Variants in NFKBIA observed in about 807,000 individuals in gnomAD.
NFKBIA encodes the protein NF-kappa-B inhibitor alpha.
Under a neutral mutation model 36.3 loss-of-function variants are expected in NFKBIA, and 10 were observed. The ratio of observed to expected loss-of-function variants is 0.28; its 90% CI spans 0.17 to 0.47. The LOEUF is 0.47. Ranked by LOEUF, NFKBIA falls within the 20% of genes least tolerant of loss-of-function variation. NFKBIA has a pLI of 0.99. For missense variants in NFKBIA, 355 were observed against 399.3 expected (o/e 0.89, Z 0.94); for synonymous variants, 205 against 164.4 (o/e 1.25, Z -1.89).
In NFKBIA at chr14:35,401,869, C is replaced by CAA. The variant is rs11569610; in HGVS notation, c.*142_*143dup. The CAA allele has an allele frequency of 0.025, 21,564 of 879,284 alleles. 378 individuals are homozygous for CAA. Among genetic ancestry groups the CAA allele is most frequent in the East Asian group, 0.055 (2,103 of 37,930 alleles). 54.5% of individuals were successfully genotyped at this position (879,284 alleles called of 1,614,324 possible). A position where few individuals can be genotyped will look rare whatever the true frequency, so the allele number is the denominator to read the frequency against. Reference sequence around the variant, plus strand: ...AACAAAATGAGGGCTGATCCTACCACAATAAGACGTTTTGGGCCAGGCAGT... The same window carrying CAA: ...AACAAAATGAGGGCTGATCCTACCACAAAATAAGACGTTTTGGGCCAGGCAGT... On this transcript the variant is annotated 3_prime_UTR_variant, in exon 6 of 6. Coordinates refer to ENST00000216797, the MANE Select transcript of NFKBIA (RefSeq NM_020529.3).
In NFKBIA at chr14:35,402,485, A is replaced by G; in HGVS notation, c.815T>C (p.Leu272Pro). The change falls in exon 5 of 6, where the codon CTG becomes CCG. Residue 272 changes from leucine to proline, a missense_variant. Coordinates refer to ENST00000216797, the MANE Select transcript of NFKBIA (RefSeq NM_020529.3). ...STRIQQQLGQ[L>P]TLENLQMLPE... is the part of the protein sequence containing the mutation. The stretch of plus-strand genomic sequence containing the variant: ...CAGCATCTGAAGGTTTTCTAGTGTC[A>G]GCTGGCCCAGCTGCTGCTGTATCCG... The G allele has an allele frequency of 6.2e-7, 1 of 1,614,168 alleles. No individual in the cohort carries two copies. Among genetic ancestry groups the G allele is most frequent in the Non-Finnish European group, 8.5e-7 (1 of 1,180,024 alleles).
In NFKBIA at chr14:35,401,786, G is replaced by C. The variant is rs2052728267; in HGVS notation, c.*227C>G. ...AACCCCACAAAGGTGAGGTTTAAAAGAAGTTTTCTCAGAATTTCAATGATC... is the reference window on the plus strand; with the variant it reads ...AACCCCACAAAGGTGAGGTTTAAAACAAGTTTTCTCAGAATTTCAATGATC... On this transcript the variant is annotated 3_prime_UTR_variant, in exon 6 of 6. Coordinates refer to ENST00000216797, the MANE Select transcript of NFKBIA (RefSeq NM_020529.3). The C allele has an allele frequency of 3.4e-6, 2 of 584,366 alleles. No homozygotes were observed. Among genetic ancestry groups the C allele is most frequent in the South Asian group, 4.4e-5 (2 of 45,134 alleles). The allele number at this position is 584,366 out of a possible 1,614,324, so 36.2% of individuals were successfully genotyped here.
chr14:35,404,330 T>C (rs1398063805), intron 1 of NFKBIA, 88 bp downstream of exon 1: 1 of 980,536 alleles, frequency 1.0e-6, no homozygotes, highest in Non-Finnish European at 1.3e-6. Context: ...GTCCCCCGGC[T>C]CGGGCTCCAG....
rs1594427886 is a variant in NFKBIA, at chr14:35,404,505, T to C, written c.140A>G (p.Lys47Arg). Reference protein sequence around the residue: ...MKDEEYEQMVKELQEIRLEPQ... With the variant: ...MKDEEYEQMVRELQEIRLEPQ... ...CTCGAGGCGGATCTCCTGCAGCTCC[T>C]TGACCATCTGCTCGTACTCCTCGTC... Residue 47 changes from lysine to arginine, a missense_variant, in exon 1 of 6, where the codon AAG becomes AGG. Lys to Arg is a conservative substitution (Grantham distance 26). Coordinates refer to ENST00000216797, the MANE Select transcript of NFKBIA (RefSeq NM_020529.3). 2 of 1,604,188 alleles carry C rather than the reference T, an allele frequency of 1.2e-6. No individual in the cohort carries two copies. Among genetic ancestry groups the C allele is most frequent in the South Asian group, 2.2e-5 (2 of 89,768 alleles).
chr14:35,404,412 A>G lies in NFKBIA; in HGVS notation c.227+6T>C, dbSNP rs994585180. The G allele has an allele frequency of 4.1e-6, 5 of 1,218,750 alleles. No homozygotes were observed. In the African/African-American group the frequency reaches 5.0e-5, roughly 12 times the overall value. The allele number at this position is 1,218,750 out of a possible 1,614,324, so 75.5% of individuals were successfully genotyped here. A position where few individuals can be genotyped will look rare whatever the true frequency, so the allele number is the denominator to read the frequency against. On this transcript the variant is annotated splice_donor_region_variant and intron_variant, in intron 1 of 5. Transcript: ENST00000216797. ...CGACCCCCAGCCCCGGGCCTCCGCCACTTACGAGTCCCCGTCCTCGGTGAG... is the reference window on the plus strand; with the variant it reads ...CGACCCCCAGCCCCGGGCCTCCGCCGCTTACGAGTCCCCGTCCTCGGTGAG...
Position 35,404,458 on chromosome 14 carries a change from A to G in NFKBIA, c.187T>C (p.Ser63Pro), listed in dbSNP as rs2138834035. Reference sequence around the variant, plus strand: ...GTGAGCTGCTGCTTCCAGGGCTCCGAGCCGCGCGGCACCTCCTGCGGCTCG... The same window carrying G: ...GTGAGCTGCTGCTTCCAGGGCTCCGGGCCGCGCGGCACCTCCTGCGGCTCG... ...RLEPQEVPRG[S>P]EPWKQQLTED... The change falls in exon 1 of 6, where the codon TCG (serine) becomes CCG (proline). Residue 63 changes from serine (S) to proline (P), a missense_variant. Ser to Pro is a moderately conservative substitution (Grantham distance 74). Transcript: ENST00000216797. The G allele has an allele frequency of 6.4e-7, 1 of 1,574,628 alleles. No individual in the cohort carries two copies. Among genetic ancestry groups the G allele is most frequent in the Non-Finnish European group, 8.6e-7 (1 of 1,158,456 alleles).
chr14:35,404,261 G>A (rs981642935), intron 1 of NFKBIA, 157 bp downstream of exon 1: 1 of 425,962 alleles, frequency 2.3e-6, no homozygotes, highest in Admixed American at 5.0e-5. Flanking sequence ...CAGCCCTGCA[G>A]CGTTCGGGGC....
intron 1 of NFKBIA, 79 bp from the exon 2 acceptor site, chr14:35,403,877 T>C (rs947680201): frequency 7.2e-5 from 76 of 1,050,992 alleles, no homozygotes; most frequent in Non-Finnish European, 8.7e-5. Flanking sequence ...CTGCGGGGGA[T>C]TGCGCAAGGC....
chr14:35,403,062 G>A, intron 3 of NFKBIA, 88 bp downstream of exon 3: 1 of 1,461,168 alleles, frequency 6.8e-7, no homozygotes. Context: ...TTAAGCTCTT[G>A]CCTGGACTCC....
chr14:35,404,677 G>A lies in NFKBIA; in HGVS notation c.-33C>T. On this transcript the variant is annotated 5_prime_UTR_variant, in exon 1 of 6. Transcript: ENST00000216797. ...ACGAGCTGCGGGCGCTGCTGCGGGT[G>A]CGCTGGGCCGCGGGCTGCGCGCTGC... 1 of 1,381,298 alleles carries A rather than the reference G, an allele frequency of 7.2e-7. No individual in the cohort carries two copies. The highest frequency in any genetic ancestry group is 1.6e-5 in the South Asian group (1 of 63,372). The allele number at this position is 1,381,298 out of a possible 1,614,324, so 85.6% of individuals were successfully genotyped here. A position where few individuals can be genotyped will look rare whatever the true frequency, so the allele number is the denominator to read the frequency against.
rs2052739542 is a variant in NFKBIA, at chr14:35,402,549, A to G, written c.751T>C (p.Tyr251His). The G allele has an allele frequency of 6.2e-7, 1 of 1,614,122 alleles. No individual in the cohort carries two copies. The highest frequency in any genetic ancestry group is 8.5e-7 in the Non-Finnish European group (1 of 1,180,048). The change falls in exon 5 of 6, where the codon TAT (tyrosine) becomes CAT (histidine). Residue 251 changes from tyrosine (Y) to histidine (H), a missense_variant. Physicochemically the swap from Tyr to His is moderately conservative, Grantham distance 83. Transcript: ENST00000216797. ...CCCCAGGTGAGCTGGTAGGGAGAATAGCCCTGGTAGGTAACTCTGTTGACA... is the reference window on the plus strand; with the variant it reads ...CCCCAGGTGAGCTGGTAGGGAGAATGGCCCTGGTAGGTAACTCTGTTGACA... ...ADVNRVTYQG[Y>H]SPYQLTWGRP...
rs1314076146 is a variant in NFKBIA at position 35,403,712 on chromosome 14, T to C, written c.314A>G (p.Asn105Ser). ...RQVKGDLAFL[N>S]FQNNLQQTPL... ...CACCTGCTGCAGGTTGTTCTGGAAGTTGAGGAAGGCCAGGTCTCCCTTCAC... is the reference window on the plus strand; with the variant it reads ...CACCTGCTGCAGGTTGTTCTGGAAGCTGAGGAAGGCCAGGTCTCCCTTCAC... The change falls in exon 2 of 6, where the codon AAC (asparagine) becomes AGC (serine). Residue 105 changes from asparagine (N) to serine (S), a missense_variant. Asn to Ser is a conservative substitution (Grantham distance 46). Coordinates refer to ENST00000216797, the MANE Select transcript of NFKBIA (RefSeq NM_020529.3). 3.1e-6 allele frequency: 5 copies of C among 1,613,398 alleles called. No homozygotes were observed. Among genetic ancestry groups the C allele is most frequent in the Non-Finnish European group, 8.5e-7 (1 of 1,179,724 alleles).
At position 35,402,798 on chromosome 14, in the gene NFKBIA, C is replaced by T. The variant is rs2138831131; in HGVS notation, c.609G>A (p.Val203=). 6.2e-7 allele frequency: 1 copy of T among 1,614,204 alleles called. No homozygotes were observed. The highest frequency in any genetic ancestry group is 1.1e-5 in the South Asian group (1 of 91,078). ...GAGCATTGACATCAGCACCCAAGGACACCAAAAGCTCCACGATGCCCAGGT... is the reference window on the plus strand; with the variant it reads ...GAGCATTGACATCAGCACCCAAGGATACCAAAAGCTCCACGATGCCCAGGT... ...HGYLGIVELL[V]SLGADVNAQE... The change falls in exon 4 of 6, where the codon GTG becomes GTA. Residue 203 remains valine, a synonymous_variant. Transcript: ENST00000216797.
chr14:35,404,581 T>G lies in NFKBIA; in HGVS notation c.64A>C (p.Lys22Gln), dbSNP rs1594427952. ...TGGCGGTCGTCCAGTAGCCGCTCCTTCTTCAGCCCGTCGCGGGGGCCCTCC... is the reference window on the plus strand; with the variant it reads ...TGGCGGTCGTCCAGTAGCCGCTCCTGCTTCAGCCCGTCGCGGGGGCCCTCC... ...AMEGPRDGLK[K>Q]ERLLDDRHDS... Residue 22 changes from lysine to glutamine, a missense_variant, in exon 1 of 6, where the codon AAG becomes CAG. Lys to Gln is a moderately conservative substitution (Grantham distance 53). Coordinates refer to ENST00000216797, the MANE Select transcript of NFKBIA (RefSeq NM_020529.3). 1 of 1,588,856 alleles carries G rather than the reference T, an allele frequency of 6.3e-7. No homozygotes were observed. Among genetic ancestry groups the G allele is most frequent in the Non-Finnish European group, 8.6e-7 (1 of 1,169,146 alleles).
Position 35,402,865 on chromosome 14 carries a change from A to G in NFKBIA, c.548-6T>C, listed in dbSNP as rs1383383632. The G allele has an allele frequency of 6.2e-7, 1 of 1,613,362 alleles. No individual in the cohort carries two copies. The highest frequency in any genetic ancestry group is 2.2e-5 in the East Asian group (1 of 44,872). ...TAAGTGTAGACACGTGTGGCCTGGA[A>G]GAACAAAAGGAAAAAAGTATAACCA... is the stretch of plus-strand genomic sequence containing the variant. On this transcript the variant is annotated splice_polypyrimidine_tract_variant and splice_region_variant and intron_variant, in intron 3 of 5. Transcript: ENST00000216797.
rs893596682 is a variant in NFKBIA at position 35,403,378 on chromosome 14, A to C, written c.337-18T>G. On this transcript the variant is annotated intron_variant, in intron 2 of 5. Transcript: ENST00000216797. Reference sequence around the variant, plus strand: ...AGTGGAGTCTACGAATGCAAGAGAGACCAGAGAAAGTAAGCCATGGACCAA... The same window carrying C: ...AGTGGAGTCTACGAATGCAAGAGAGCCCAGAGAAAGTAAGCCATGGACCAA... 1 of 1,613,414 alleles carries C rather than the reference A, an allele frequency of 6.2e-7. No homozygotes were observed. Among genetic ancestry groups the C allele is most frequent in the South Asian group, 1.1e-5 (1 of 91,030 alleles).
rs764415243 is a variant in NFKBIA at position 35,404,534 on chromosome 14, C to T, written c.111G>A (p.Met37Ile). 20 of 1,603,602 alleles carry T rather than the reference C, an allele frequency of 1.2e-5. No individual in the cohort carries two copies. The highest frequency in any genetic ancestry group is 1.5e-5 in the Non-Finnish European group (18 of 1,175,694). Residue 37 changes from methionine (M) to isoleucine (I), a missense_variant, in exon 1 of 6, where the codon ATG becomes ATA. Met to Ile is a conservative substitution (Grantham distance 10). Coordinates refer to ENST00000216797, the MANE Select transcript of NFKBIA (RefSeq NM_020529.3). ...CCATCTGCTCGTACTCCTCGTCTTT[C>T]ATGGAGTCCAGGCCGCTGTCGTGGC... ...DDRHDSGLDS[M>I]KDEEYEQMVK...
intron 1 of NFKBIA, 196 bp from the exon 2 acceptor site, chr14:35,403,994 C>G: frequency 5.0e-6 from 3 of 601,584 alleles, no homozygotes; most frequent in Non-Finnish European, 9.0e-6. Context: ...CCCGCGGCCC[C>G]GGCGGGCGCC....
At position 35,404,563 on chromosome 14, in the gene NFKBIA, C is replaced by A. The variant is rs2052769760; in HGVS notation, c.82G>T (p.Asp28Tyr). Residue 28 changes from aspartate to tyrosine, a missense_variant, in exon 1 of 6, where the codon GAC (aspartate) becomes TAC (tyrosine). Asp to Tyr is a radical substitution (Grantham distance 160). Coordinates refer to ENST00000216797, the MANE Select transcript of NFKBIA (RefSeq NM_020529.3). ...DGLKKERLLDDRHDSGLDSMK... is the reference protein window; with the variant it reads ...DGLKKERLLDYRHDSGLDSMK... ...GAGTCCAGGCCGCTGTCGTGGCGGTCGTCCAGTAGCCGCTCCTTCTTCAGC... is the reference window on the plus strand; with the variant it reads ...GAGTCCAGGCCGCTGTCGTGGCGGTAGTCCAGTAGCCGCTCCTTCTTCAGC... 1 of 1,595,276 alleles carries A rather than the reference C, an allele frequency of 6.3e-7. No homozygotes were observed. The highest frequency in any genetic ancestry group is 8.5e-7 in the Non-Finnish European group (1 of 1,172,516).
Sources: gnomAD v4.1 joint callset for allele counts on GRCh38, gnomAD v4.1.1 for gene constraint, MANE v1.5 for transcripts, NCBI Gene and HGNC (gene_info 2026-07-23, HGNC 2026-07-21) for gene names.